The following USP34 variants were observed in gnomAD, a reference collection of about 807,000 sequenced individuals.
USP34 encodes ubiquitin carboxyl-terminal hydrolase 34.
A neutral mutation model predicts 460.3 loss-of-function variants in USP34; 70 were observed. That is an observed-to-expected ratio of 0.15 (90% CI 0.13 to 0.19). The LOEUF is 0.19. Among genes scored for constraint, USP34 ranks in the 10% least tolerant of loss-of-function variants. The pLI, the probability that USP34 is intolerant of heterozygous loss-of-function variation, is 1.00. For missense variants in USP34, 3,985 were observed against 4,236.2 expected (o/e 0.94, Z 1.65); for synonymous variants, 1,647 against 1,405.3 (o/e 1.17, Z -3.85).
chr2:61,260,568 T>A (rs1324652595), intron 43 of USP34, among the ~76,000 whole-genome samples: 1 of 152,194 alleles, frequency 6.6e-6, no homozygotes, highest in Non-Finnish European at 1.5e-5. Flanking sequence ...TAGCAGCTTA[T>A]AATCAAATTG....
At chr2:61,252,743 G>A (rs547494065) in intron 48 of USP34, among the ~76,000 whole-genome samples, 3 of 152,316 alleles carry the variant, frequency 2.0e-5, no homozygotes, top group South Asian at 4.1e-4. Flanking sequence ...GATAGAGTGT[G>A]AACTTCATCC....
At position 61,385,454 on chromosome 2, in the gene USP34, G is replaced by A. The variant is rs191680841; in HGVS notation, c.754-2118C>T. Among the ~76,000 whole-genome samples the A allele has an allele frequency of 3.8e-3, 581 of 151,190 alleles. 4 individuals carry two copies. The highest frequency in any genetic ancestry group is 0.013 in the African/African-American group (521 of 41,188). On this transcript the variant is annotated intron_variant, in intron 5 of 79. Coordinates refer to ENST00000398571, the MANE Select transcript of USP34 (RefSeq NM_014709.4). ...TGGGAGGCCGAGGCGGGCGGATCAC[G>A]AGGTCAGGAGATCGAGACCATCCTG...
chr2:61,233,436 G>A (rs1410387655), intron 57 of USP34, among the ~76,000 whole-genome samples: 1 of 152,148 alleles, frequency 6.6e-6, no homozygotes, highest in Non-Finnish European at 1.5e-5. Flanking sequence ...TGCAAAATGT[G>A]GAACTTGTTT....
At position 61,266,085 on chromosome 2, in the gene USP34, G is replaced by T; in HGVS notation, c.5516C>A (p.Ser1839Tyr). Reference protein sequence around the residue: ...DRQQPKCKSHSSRAAAYDLLV... With the variant: ...DRQQPKCKSHYSRAAAYDLLV... ...CAAATCGTAAGCGGCAGCTCTTGAA[G>T]AATGTGATTTGCACTTTGGCTGTTG... The change falls in exon 42 of 80, where the codon TCT (serine) becomes TAT (tyrosine). Residue 1839 changes from serine (S) to tyrosine (Y), a missense_variant. Around this residue, in one of 14 missense-constraint regions of USP34, gnomAD observed 1,114 missense variants for 1,122.5 expected, o/e 0.99. Coordinates refer to ENST00000398571, the MANE Select transcript of USP34 (RefSeq NM_014709.4). 6.2e-7 allele frequency: 1 copy of T among 1,614,028 alleles called. No homozygotes were observed.
chr2:61,463,367 A>G (rs1171286870), intron 1 of USP34, among the ~76,000 whole-genome samples: 1 of 152,172 alleles, frequency 6.6e-6, no homozygotes, highest in African/African-American at 2.4e-5. Context: ...ATTCAATGAA[A>G]AAGATTCTTA....
At chr2:61,295,490 T>C (rs187095495) in intron 30 of USP34, among the ~76,000 whole-genome samples, 200 bp from the exon 31 acceptor site, 104 of 152,196 alleles carry the variant, frequency 6.8e-4, no homozygotes, top group African/African-American at 2.4e-3. Flanking sequence ...TTTCTGAAAA[T>C]AAACCCAATA....
chr2:61,230,159 GCT>G (rs1287666406), intron 58 of USP34, among the ~76,000 whole-genome samples: 7 of 152,152 alleles, frequency 4.6e-5, no homozygotes, highest in Non-Finnish European at 2.9e-5. Context: ...GACAGTATCA[GCT>G]GCTGAAGATT....
At chr2:61,239,330 A>T (rs1458385516) in intron 53 of USP34, among the ~76,000 whole-genome samples, 1 of 151,568 alleles carries the variant, frequency 6.6e-6, no homozygotes, top group Non-Finnish European at 1.5e-5. Context: ...ACACACACAC[A>T]CACACACACA....
chr2:61,357,480 A>T (rs1034882674), intron 10 of USP34, among the ~76,000 whole-genome samples: 6 of 150,990 alleles, frequency 4.0e-5, no homozygotes, highest in South Asian at 2.1e-4. Context: ...ATGTGAATTT[A>T]AAAAAAAAAT....
intron 1 of USP34, among the ~76,000 whole-genome samples, chr2:61,462,875 A>G (rs893018176): frequency 7.2e-5 from 11 of 151,854 alleles, no homozygotes; most frequent in African/African-American, 2.7e-4. Flanking sequence ...AAAAAAAAAA[A>G]AAAGGCAGCC....
chr2:61,336,230 G>T (rs1691411840), intron 18 of USP34, among the ~76,000 whole-genome samples: 1 of 149,742 alleles, frequency 6.7e-6, no homozygotes, highest in Non-Finnish European at 1.5e-5. Context: ...CTGCAGCCTT[G>T]ACTTCCCACC....
intron 48 of USP34, among the ~76,000 whole-genome samples, chr2:61,254,944 C>G (rs1055039700): frequency 6.6e-6 from 1 of 152,172 alleles, no homozygotes; most frequent in Non-Finnish European, 1.5e-5. Context: ...CTCCCAGCCT[C>G]AAGTGATCCT....
chr2:61,347,819 T>TTA, intron 15 of USP34, 51 bp downstream of exon 15: 1 of 1,586,024 alleles, frequency 6.3e-7, no homozygotes, highest in Non-Finnish European at 8.6e-7. Flanking sequence ...TAGGATATAA[T>TTA]ACTTCCCTAA....
chr2:61,436,245 G>A (rs899050405), intron 1 of USP34, among the ~76,000 whole-genome samples: 10 of 152,086 alleles, frequency 6.6e-5, no homozygotes, highest in South Asian at 2.1e-4. Context: ...CAAAAGAATC[G>A]CTTGAACCTG....
At chr2:61,427,813 T>C (rs980740708) in intron 1 of USP34, among the ~76,000 whole-genome samples, 16 of 152,090 alleles carry the variant, frequency 1.1e-4, no homozygotes, top group African/African-American at 3.4e-4. Context: ...ACGGAATTTC[T>C]AAAAATGAAG....
chr2:61,267,187 A>C (rs1359978097), intron 41 of USP34, among the ~76,000 whole-genome samples: 2 of 151,884 alleles, frequency 1.3e-5, no homozygotes, highest in Non-Finnish European at 2.9e-5. Context: ...TCTTTTCATG[A>C]TTTTGCTTTG....
intron 12 of USP34, among the ~76,000 whole-genome samples, chr2:61,349,490 C>CA (rs1317306060): frequency 1.3e-5 from 2 of 152,100 alleles, no homozygotes; most frequent in Middle Eastern, 3.4e-3. Flanking sequence ...TGTCAGGAGA[C>CA]AAAAACTGAG....
intron 53 of USP34, among the ~76,000 whole-genome samples, chr2:61,240,043 A>G (rs1455187950): frequency 6.7e-6 from 1 of 150,352 alleles, no homozygotes; most frequent in Non-Finnish European, 1.5e-5. Flanking sequence ...TGATCCCAAT[A>G]TTACAAAAAA....
At chr2:61,256,606 A>C in intron 47 of USP34, 128 bp from the exon 48 acceptor site, 1 of 711,172 alleles carries the variant, frequency 1.4e-6, no homozygotes, top group Non-Finnish European at 2.2e-6. Context: ...TGAATTCTTA[A>C]ATTTTAGTAA....
Sources: allele counts gnomAD v4.1 joint callset (sites outside exome capture counted in the v4.1 genomes callset), GRCh38; gene constraint gnomAD v4.1.1; regional missense constraint gnomAD v4.1.1; transcripts MANE v1.5; gene names NCBI Gene and HGNC (gene_info 2026-07-23, HGNC 2026-07-21).